CNTNAP3B: variants seen among roughly 807,000 people sequenced by gnomAD.
The protein encoded by CNTNAP3B is contactin-associated protein-like 3B.
A neutral mutation model predicts 108.9 loss-of-function variants in CNTNAP3B; 25 were observed. The ratio of observed to expected loss-of-function variants is 0.23; its 90% CI spans 0.17 to 0.32. The LOEUF is 0.32. Among genes scored for constraint, CNTNAP3B ranks in the 10% least tolerant of loss-of-function variants. The probability of loss-of-function intolerance (pLI) is 1.00; values close to 1 mark genes in which losing one functional copy is unlikely to be tolerated. For missense variants in CNTNAP3B, 252 were observed against 1,210.4 expected (o/e 0.21, Z 11.75); for synonymous variants, 103 against 473.4 (o/e 0.22, Z 10.16).
Position 42,096,153 on chromosome 9 carries a change from C to T in CNTNAP3B, c.196+8476G>A, listed in dbSNP as rs1470586215. Among the ~76,000 whole-genome samples, 4 of 139,770 alleles carry T rather than the reference C, an allele frequency of 2.9e-5. 2 individuals carry two copies. Among genetic ancestry groups the T allele is most frequent in the African/African-American group, 1.1e-4 (4 of 35,278 alleles). 91.7% of individuals were successfully genotyped at this position (139,770 alleles called of 152,430 possible). A position where few individuals can be genotyped will look rare whatever the true frequency, so the allele number is the denominator to read the frequency against. On this transcript the variant is annotated intron_variant, in intron 2 of 23. Transcript: ENST00000377561. The stretch of plus-strand genomic sequence containing the variant: ...AATGTGCCGCAGCACAATGAGGATG[C>T]TGTGCAGGCTGCTCTTGGAGACTGG...
intron 12 of CNTNAP3B, chr9:41,960,315 T>C (rs1825038681): frequency 5.6e-6 from 1 of 177,156 alleles, no homozygotes; most frequent in African/African-American, 2.4e-5. Context: ...TGTTCATTTC[T>C]AATATCTAAA....
At chr9:41,933,822 A>G (rs1417025346) in intron 14 of CNTNAP3B, among the ~76,000 whole-genome samples, 6 of 152,262 alleles carry the variant, frequency 3.9e-5, no homozygotes, top group African/African-American at 1.4e-4. Context: ...TATATTCATT[A>G]TTGATTACAG....
At chr9:41,951,677 C>T (rs1587137040) in intron 13 of CNTNAP3B, among the ~76,000 whole-genome samples, 1 of 151,962 alleles carries the variant, frequency 6.6e-6, no homozygotes, top group African/African-American at 2.4e-5. Flanking sequence ...GACCTTTGCT[C>T]TTTCTACTAG....
At chr9:42,042,925 A>G (rs1378838933) in intron 3 of CNTNAP3B, among the ~76,000 whole-genome samples, 9 of 147,000 alleles carry the variant, frequency 6.1e-5, no homozygotes, top group Admixed American at 6.1e-4. Flanking sequence ...TTTTTTAACT[A>G]ATTGACTTTT....
chr9:41,925,277 T>C (rs1363762847), intron 15 of CNTNAP3B, among the ~76,000 whole-genome samples: 1 of 151,002 alleles, frequency 6.6e-6, no homozygotes, highest in Non-Finnish European at 1.5e-5. Context: ...CCACATTAAT[T>C]GGTTGACATG....
chr9:41,939,134 G>T (rs1239959661), intron 13 of CNTNAP3B, among the ~76,000 whole-genome samples: 14 of 152,290 alleles, frequency 9.2e-5, no homozygotes, highest in African/African-American at 2.9e-4. Flanking sequence ...GCTGCCAGGG[G>T]TTGGGAGTGA....
At chr9:41,932,798 G>A (rs1245824128) in intron 14 of CNTNAP3B, among the ~76,000 whole-genome samples, 2 of 152,172 alleles carry the variant, frequency 1.3e-5, no homozygotes, top group African/African-American at 4.8e-5. Context: ...GATAACAGGT[G>A]TGAGCCACCG....
intron 10 of CNTNAP3B, among the ~76,000 whole-genome samples, chr9:41,966,858 T>C (rs1220687584): frequency 6.7e-6 from 1 of 149,928 alleles, no homozygotes; most frequent in African/African-American, 2.5e-5. Flanking sequence ...TTCCAGCTAC[T>C]CGGGAGGCCG....
At chr9:42,070,548 C>T (rs1365000026) in intron 3 of CNTNAP3B, among the ~76,000 whole-genome samples, 3 of 143,604 alleles carry the variant, frequency 2.1e-5, no homozygotes, top group Non-Finnish European at 4.6e-5. Context: ...TACCCAGCCA[C>T]ACCCTCAGCC....
intron 1 of CNTNAP3B, among the ~76,000 whole-genome samples, chr9:42,107,511 C>T (rs1828105342): frequency 1.6e-5 from 2 of 124,710 alleles, no homozygotes; most frequent in Non-Finnish European, 1.6e-5. Flanking sequence ...AGATGATTTC[C>T]AATAGGATTA....
intron 12 of CNTNAP3B, among the ~76,000 whole-genome samples, chr9:41,956,571 C>T (rs1256742243): frequency 3.3e-5 from 5 of 150,866 alleles, no homozygotes; most frequent in Non-Finnish European, 7.4e-5. Flanking sequence ...CTATATGTCC[C>T]AGAAGAAAAA....
In CNTNAP3B at chr9:42,127,849, C is replaced by A. The variant is rs1264996084; in HGVS notation, c.85+1161G>T. Among the ~76,000 whole-genome samples, 3 of 138,768 alleles carry A rather than the reference C, an allele frequency of 2.2e-5. 1 individual carries two copies. The highest frequency in any genetic ancestry group is 4.6e-5 in the Non-Finnish European group (3 of 64,898). 91.0% of individuals were successfully genotyped at this position (138,768 alleles called of 152,430 possible). A position where few individuals can be genotyped will look rare whatever the true frequency, so the allele number is the denominator to read the frequency against. On this transcript the variant is annotated intron_variant, in intron 1 of 23. Transcript: ENST00000377561. Reference sequence around the variant, plus strand: ...TGTGAAGAAACAACCCACCCTTGAGCCCACAGGCAGAACAGCACTGAGCTA... The same window carrying A: ...TGTGAAGAAACAACCCACCCTTGAGACCACAGGCAGAACAGCACTGAGCTA...
chr9:41,919,017 CACAATT>C (rs1234963896), intron 18 of CNTNAP3B, among the ~76,000 whole-genome samples: 656 of 152,168 alleles, frequency 4.3e-3, no homozygotes, highest in South Asian at 0.025. Context: ...CACTTAAACA[CACAATT>C]ACATTTTAGC....
intron 15 of CNTNAP3B, among the ~76,000 whole-genome samples, chr9:41,925,568 G>T (rs1823793962): frequency 6.6e-6 from 1 of 152,028 alleles, no homozygotes; most frequent in African/African-American, 2.4e-5. Context: ...ACTCCAGCCT[G>T]CGCAACAGAG....
chr9:41,966,828 G>T (rs1348627193), intron 10 of CNTNAP3B, among the ~76,000 whole-genome samples: 1 of 150,842 alleles, frequency 6.6e-6, no homozygotes, highest in East Asian at 1.9e-4. Flanking sequence ...TTAGCCAGGT[G>T]TGGTGGCGGG....
intron 13 of CNTNAP3B, among the ~76,000 whole-genome samples, chr9:41,943,379 GTCTC>G (rs1824422330): frequency 7.3e-6 from 1 of 136,358 alleles, no homozygotes; most frequent in Non-Finnish European, 1.5e-5. Context: ...TTGAGATGGA[GTCTC>G]TCTCTGTCGC....
chr9:41,973,988 G>T (rs1312673657), intron 9 of CNTNAP3B, among the ~76,000 whole-genome samples: 1 of 133,170 alleles, frequency 7.5e-6, no homozygotes, highest in Non-Finnish European at 1.6e-5. Flanking sequence ...GGGACTACAG[G>T]CTCCCGCCAC....
chr9:42,055,463 G>T (rs976756223), intron 3 of CNTNAP3B, among the ~76,000 whole-genome samples: 10 of 144,648 alleles, frequency 6.9e-5, no homozygotes, highest in African/African-American at 2.4e-4. Context: ...CATGACCACT[G>T]AAAGAGAACT....
In CNTNAP3B at chr9:42,118,156, A is replaced by T. The variant is rs1378093920; in HGVS notation, c.85+10854T>A. Among the ~76,000 whole-genome samples the T allele has an allele frequency of 3.6e-5, 5 of 139,492 alleles. 2 individuals carry two copies. The East Asian group carries it at 1.1e-3, about 30-fold the overall frequency. The allele number at this position is 139,492 out of a possible 152,430, so 91.5% of individuals were successfully genotyped here. On this transcript the variant is annotated intron_variant, in intron 1 of 23. Coordinates refer to ENST00000377561, the MANE Select transcript of CNTNAP3B (RefSeq NM_001201380.3). ...ATTCCAATCAACAGAAAAAGAGGGAATCCTTCCTAACTCATTTTATGAGGC... is the reference window on the plus strand; with the variant it reads ...ATTCCAATCAACAGAAAAAGAGGGATTCCTTCCTAACTCATTTTATGAGGC...
Sources: gnomAD v4.1 joint callset for allele counts (sites outside exome capture counted in the v4.1 genomes callset) on GRCh38, gnomAD v4.1.1 for gene constraint, MANE v1.5 for transcripts, NCBI Gene and HGNC (gene_info 2026-07-23, HGNC 2026-07-21) for gene names.